ASCC1: variants seen among roughly 807,000 people sequenced by gnomAD.
ASCC1 encodes activating signal cointegrator 1 complex subunit 1, also known as ASC-1 complex subunit P50.
In ASCC1, 35 loss-of-function variants were observed where a neutral mutation model predicts 46.6. The ratio of observed to expected loss-of-function variants is 0.75; its 90% confidence interval spans 0.57 to 0.99. The LOEUF is 0.99. Ranked by LOEUF, ASCC1 falls within the 50% of genes least tolerant of loss-of-function variation. ASCC1 has a pLI of 0.00. For synonymous variants in ASCC1, 143 were observed against 146.6 expected, an observed-to-expected ratio of 0.98 and a Z score of 0.18; for missense variants, 376 against 428.7, an observed-to-expected ratio of 0.88 and a Z score of 1.09.
chr10:72,209,932 G>T (rs1226537597), intron 3 of ASCC1, among the ~76,000 whole-genome samples: 1 of 152,130 alleles, frequency 6.6e-6, no homozygotes. Flanking sequence ...GATCCCTCAT[G>T]ATGGCTTAGC....
intron 7 of ASCC1, chr10:72,134,017 A>G (rs1390792261): frequency 1.3e-5 from 2 of 152,352 alleles, no homozygotes; most frequent in African/African-American, 4.8e-5. Flanking sequence ...GCAGTGGCTC[A>G]TGTCTGTGAT....
At chr10:72,159,973 C>T (rs1312111626) in intron 6 of ASCC1, among the ~76,000 whole-genome samples, 7 of 148,130 alleles carry the variant, frequency 4.7e-5, no homozygotes, top group Non-Finnish European at 7.4e-5. Context: ...GGCGCAATCT[C>T]GGCTCACTGC....
At chr10:72,199,264 C>T (rs180725939) in intron 4 of ASCC1, among the ~76,000 whole-genome samples, 49 of 150,430 alleles carry the variant, frequency 3.3e-4, no homozygotes, top group Non-Finnish European at 3.2e-4. Flanking sequence ...GCTGGGAATA[C>T]GGGTGTATGC....
chr10:72,212,447 A>G (rs1858298808), intron 2 of ASCC1, among the ~76,000 whole-genome samples: 1 of 152,034 alleles, frequency 6.6e-6, no homozygotes, highest in African/African-American at 2.4e-5. Context: ...GATTACATGC[A>G]AAAACCACGA....
chr10:72,170,259 G>C (rs571209719), intron 5 of ASCC1, among the ~76,000 whole-genome samples: 1 of 151,980 alleles, frequency 6.6e-6, no homozygotes, highest in Non-Finnish European at 1.5e-5. Flanking sequence ...TAAAAATATA[G>C]TAACTATAAA....
intron 7 of ASCC1, among the ~76,000 whole-genome samples, chr10:72,144,913 T>C (rs1433802524): frequency 6.6e-6 from 1 of 152,246 alleles, no homozygotes; most frequent in Admixed American, 6.5e-5. Context: ...TCAGACTTTC[T>C]GGATTCATTT....
At chr10:72,105,590 C>T (rs1167030964) in intron 9 of ASCC1, among the ~76,000 whole-genome samples, 1 of 152,172 alleles carries the variant, frequency 6.6e-6, no homozygotes, top group Non-Finnish European at 1.5e-5. Context: ...TGGTCAAAAT[C>T]AAGGTTTTCC....
intron 5 of ASCC1, among the ~76,000 whole-genome samples, chr10:72,175,643 G>C (rs1851772795): frequency 6.6e-6 from 1 of 152,174 alleles, no homozygotes; most frequent in Non-Finnish European, 1.5e-5. Flanking sequence ...ATACTGACCA[G>C]AGAAAAGAAC....
chr10:72,133,357 CTTGT>C (rs1171551835), intron 7 of ASCC1, 176 bp from the exon 8 acceptor site: 10 of 651,238 alleles, frequency 1.5e-5, no homozygotes, highest in Non-Finnish European at 2.7e-5. Flanking sequence ...AAAGATCAGT[CTTGT>C]TTGTCTGCTT....
chr10:72,136,831 C>CT lies in ASCC1; in HGVS notation c.747-3651dup, dbSNP rs368701962. Among the ~76,000 whole-genome samples, 133 of 151,812 alleles carry CT rather than the reference C, an allele frequency of 8.8e-4. 2 individuals carry two copies. The highest frequency in any genetic ancestry group is 3.1e-3 in the African/African-American group (129 of 41,360). Reference sequence around the variant, plus strand: ...GAACAAACAACTCCGGATGCGCCACCTTTAAGAGCTGTAACACTCACTGCA... The same window carrying CT: ...GAACAAACAACTCCGGATGCGCCACCTTTTAAGAGCTGTAACACTCACTGCA... On this transcript the variant is annotated intron_variant, in intron 7 of 9. Transcript: ENST00000672957.
intron 9 of ASCC1, among the ~76,000 whole-genome samples, chr10:72,107,864 T>C (rs1842515966): frequency 6.6e-6 from 1 of 152,178 alleles, no homozygotes; most frequent in African/African-American, 2.4e-5. Flanking sequence ...TAACTGTTGT[T>C]TTTCTGATTA....
intron 5 of ASCC1, among the ~76,000 whole-genome samples, chr10:72,188,817 G>A (rs902965468): frequency 2.6e-5 from 4 of 152,124 alleles, no homozygotes; most frequent in East Asian, 1.9e-4. Context: ...GGCTAGTAGT[G>A]CACAATCATG....
chr10:72,108,076 C>CTTTTT (rs375287948), intron 9 of ASCC1, among the ~76,000 whole-genome samples: 8 of 128,354 alleles, frequency 6.2e-5, no homozygotes, highest in Non-Finnish European at 1.0e-4. Context: ...TTTTCTTTTT[C>CTTTTT]TTTTTTTTTT....
intron 4 of ASCC1, among the ~76,000 whole-genome samples, chr10:72,197,906 A>AAATAAATAAAT (rs1855705110): frequency 2.1e-5 from 3 of 139,940 alleles, no homozygotes; most frequent in African/African-American, 9.2e-5. Context: ...ACCCTGTCTC[A>AAATAAATAAAT]AAATAAATAA....
chr10:72,202,038 C>T (rs1856572379), intron 4 of ASCC1, among the ~76,000 whole-genome samples: 1 of 151,876 alleles, frequency 6.6e-6, no homozygotes, highest in Non-Finnish European at 1.5e-5. Flanking sequence ...TCACTTCAAA[C>T]CAAAAATTCA....
chr10:72,119,438 A>G (rs1373512840), intron 9 of ASCC1, among the ~76,000 whole-genome samples: 1 of 152,182 alleles, frequency 6.6e-6, no homozygotes, highest in Non-Finnish European at 1.5e-5. Context: ...CCTAGTGGGC[A>G]CTAACCTTCC....
chr10:72,124,599 G>A (rs1350764713), intron 9 of ASCC1, among the ~76,000 whole-genome samples: 3 of 152,122 alleles, frequency 2.0e-5, no homozygotes, highest in Non-Finnish European at 4.4e-5. Flanking sequence ...CCAGAAGCTG[G>A]CAATTAATGA....
At chr10:72,141,084 GATAT>G (rs1377990170) in intron 7 of ASCC1, among the ~76,000 whole-genome samples, 1 of 133,902 alleles carries the variant, frequency 7.5e-6, no homozygotes, top group Non-Finnish European at 1.6e-5. Flanking sequence ...TAGATAGATA[GATAT>G]AGATATAGAC....
chr10:72,150,721 A>G (rs544424173), intron 7 of ASCC1, among the ~76,000 whole-genome samples: 1 of 151,568 alleles, frequency 6.6e-6, no homozygotes, highest in Non-Finnish European at 1.5e-5. Flanking sequence ...GCTAATATCC[A>G]GAATCTACAA....
Sources: gnomAD v4.1 joint callset for allele counts (sites outside exome capture counted in the v4.1 genomes callset) on GRCh38, gnomAD v4.1.1 for gene constraint, MANE v1.5 for transcripts, NCBI Gene and HGNC (gene_info 2026-07-23, HGNC 2026-07-21) for gene names.